PDS5A: variants seen among roughly 807,000 people sequenced by gnomAD.
PDS5A encodes sister chromatid cohesion protein PDS5 homolog A.
Under a neutral mutation model 167.1 loss-of-function variants are expected in PDS5A, and 42 were observed. The observed-to-expected ratio is 0.25, with a 90% CI of 0.20 to 0.33. PDS5A has a LOEUF of 0.33. Ranked by LOEUF, PDS5A falls within the 10% of genes least tolerant of loss-of-function variation. The pLI is 1.00. For synonymous variants in PDS5A, 553 were observed against 554.6 expected (o/e 1.00, Z 0.04); for missense variants, 1,033 against 1,605.9 (o/e 0.64, Z 6.10).
chr4:39,825,723 C>T (rs1011807461), intron 32 of PDS5A, among the ~76,000 whole-genome samples: 2 of 151,954 alleles, frequency 1.3e-5, no homozygotes, highest in African/African-American at 4.8e-5. Flanking sequence ...GCCTGAGCCT[C>T]CCAAATAGCT....
At chr4:39,873,607 T>TAA (rs35583455) in intron 20 of PDS5A, among the ~76,000 whole-genome samples, 63 of 151,774 alleles carry the variant, frequency 4.2e-4, no homozygotes, top group East Asian at 2.9e-3. Flanking sequence ...TCATTATATG[T>TAA]AAAAAAAAGG....
chr4:39,908,736 C>T, intron 10 of PDS5A, 196 bp from the exon 11 acceptor site: 1 of 547,844 alleles, frequency 1.8e-6, no homozygotes, highest in Non-Finnish European at 3.2e-6. Context: ...TTTAAACTCC[C>T]AAGTTGGCCA....
At chr4:39,850,248 G>A (rs1718002619) in intron 26 of PDS5A, among the ~76,000 whole-genome samples, 1 of 149,690 alleles carries the variant, frequency 6.7e-6, no homozygotes, top group African/African-American at 2.4e-5. Flanking sequence ...CTCCAACCTG[G>A]GTGACAGAGC....
At position 39,949,618 on chromosome 4, in the gene PDS5A, C is replaced by T. The variant is rs546777488; in HGVS notation, c.139-21454G>A. On this transcript the variant is annotated intron_variant, in intron 2 of 32. Coordinates refer to ENST00000303538, the MANE Select transcript of PDS5A (RefSeq NM_001100399.2). ...GAGGCAGGTGGATGGATCATTTGAGCCCAGGAGTTCAAGACCGGACTGGGC... is the reference window on the plus strand; with the variant it reads ...GAGGCAGGTGGATGGATCATTTGAGTCCAGGAGTTCAAGACCGGACTGGGC... Among the ~76,000 whole-genome samples, 8 of 151,558 alleles carry T rather than the reference C, an allele frequency of 5.3e-5. No individual in the cohort carries two copies. In the South Asian group the frequency reaches 8.3e-4, roughly 16 times the overall value.
intron 2 of PDS5A, among the ~76,000 whole-genome samples, chr4:39,934,938 C>T (rs1312843183): frequency 2.6e-5 from 4 of 151,848 alleles, no homozygotes; most frequent in African/African-American, 7.3e-5. Flanking sequence ...TTATCAGATA[C>T]GTATATTGCA....
At chr4:39,843,343 T>C (rs939975270) in intron 30 of PDS5A, among the ~76,000 whole-genome samples, 2 of 152,132 alleles carry the variant, frequency 1.3e-5, no homozygotes, top group African/African-American at 2.4e-5. Flanking sequence ...AGCCCTCCTA[T>C]ACTAATTTGA....
chr4:39,919,655 T>G (rs1724733189), intron 7 of PDS5A, among the ~76,000 whole-genome samples: 1 of 152,096 alleles, frequency 6.6e-6, no homozygotes, highest in Admixed American at 6.6e-5. Context: ...AAAAAAAATT[T>G]TTTTTTCATA....
intron 32 of PDS5A, chr4:39,837,548 T>C (rs949756589): frequency 4.9e-5 from 13 of 266,932 alleles, no homozygotes; most frequent in Non-Finnish European, 9.1e-5. Context: ...TTATTTTATG[T>C]AAACCTCTGC....
intron 17 of PDS5A, among the ~76,000 whole-genome samples, chr4:39,884,379 G>A (rs186849606): frequency 6.6e-6 from 1 of 152,280 alleles, no homozygotes; most frequent in East Asian, 1.9e-4. Flanking sequence ...GTACCTAGTG[G>A]CTTTCTATTG....
At chr4:39,972,286 C>T (rs1392164824) in intron 2 of PDS5A, among the ~76,000 whole-genome samples, 6 of 152,120 alleles carry the variant, frequency 3.9e-5, no homozygotes, top group Non-Finnish European at 2.9e-5. Flanking sequence ...CTTTGGGAGG[C>T]CGAGGTGGGC....
At chr4:39,865,325 C>T (rs1719338760) in intron 23 of PDS5A, among the ~76,000 whole-genome samples, 1 of 152,140 alleles carries the variant, frequency 6.6e-6, no homozygotes, top group African/African-American at 2.4e-5. Flanking sequence ...TACATAATTA[C>T]CCCCAATTTA....
chr4:39,967,294 G>C (rs1432130883), intron 2 of PDS5A, among the ~76,000 whole-genome samples: 1 of 151,994 alleles, frequency 6.6e-6, no homozygotes, highest in African/African-American at 2.4e-5. Flanking sequence ...AACAGAGTGA[G>C]ATTCCATCTC....
Position 39,869,767 on chromosome 4 carries a change from C to T in PDS5A, c.2437-305G>A, listed in dbSNP as rs552291765. ...TCATTTTTGACAAAGGATGCCAAGA[C>T]CATCTTTAGTGAAAGAACAGTCTCT... On this transcript the variant is annotated intron_variant, in intron 21 of 32. Coordinates refer to ENST00000303538, the MANE Select transcript of PDS5A (RefSeq NM_001100399.2). 3.9e-5 allele frequency among the ~76,000 whole-genome samples: 6 copies of T among 152,236 alleles called. No homozygotes were observed. In the South Asian group the frequency reaches 1.2e-3, roughly 32 times the overall value.
chr4:39,843,180 T>C (rs560835090), intron 30 of PDS5A, among the ~76,000 whole-genome samples: 16 of 151,484 alleles, frequency 1.1e-4, no homozygotes, highest in African/African-American at 3.6e-4. Context: ...TGGCCTTTTC[T>C]TTTTATTAAG....
chr4:39,877,288 C>G, intron 18 of PDS5A, 135 bp from the exon 19 acceptor site: 1 of 488,848 alleles, frequency 2.0e-6, no homozygotes, highest in South Asian at 4.0e-5. Context: ...AGATACATCT[C>G]CTAGCCGTCC....
At chr4:39,954,748 A>G (rs1380373587) in intron 2 of PDS5A, among the ~76,000 whole-genome samples, 1 of 151,940 alleles carries the variant, frequency 6.6e-6, no homozygotes, top group Non-Finnish European at 1.5e-5. Context: ...AGACGTTAAA[A>G]TAACTATGAG....
At chr4:39,897,966 A>G (rs1046140911) in intron 16 of PDS5A, 3 of 848,182 alleles carry the variant, frequency 3.5e-6, no homozygotes, top group Admixed American at 6.2e-5. Context: ...GAATGAAGAC[A>G]AAAGTCTAGA....
intron 16 of PDS5A, among the ~76,000 whole-genome samples, chr4:39,893,515 C>T (rs577535306): frequency 6.6e-6 from 1 of 152,140 alleles, no homozygotes; most frequent in Non-Finnish European, 1.5e-5. Context: ...GTGACAAATA[C>T]GCATTAGGGT....
At chr4:39,946,622 T>A (rs1727796888) in intron 2 of PDS5A, among the ~76,000 whole-genome samples, 1 of 152,002 alleles carries the variant, frequency 6.6e-6, no homozygotes. Context: ...CTTACAGAAA[T>A]AAAACCCATT....
Sources: gnomAD v4.1 joint callset for allele counts (sites outside exome capture counted in the v4.1 genomes callset) on GRCh38, gnomAD v4.1.1 for gene constraint, MANE v1.5 for transcripts, NCBI Gene and HGNC (gene_info 2026-07-23, HGNC 2026-07-21) for gene names.